ZNF721: variants seen among roughly 807,000 people sequenced by gnomAD.
ZNF721 encodes the protein zinc finger protein 721.
In ZNF721, 2 loss-of-function variants were observed where a neutral mutation model predicts 2.4. The ratio of observed to expected loss-of-function variants is 0.82; its 90% CI spans 0.34 to 2.58. The LOEUF (loss-of-function observed/expected upper bound fraction) is 2.58, where lower values mean the gene tolerates loss of function less well. ZNF721 is among the 30% of genes most tolerant of loss of function. The pLI is 0.11. For missense variants in ZNF721, 1,187 were observed against 1,085.5 expected, an observed-to-expected ratio of 1.09 and a Z score of -1.31; for synonymous variants, 398 against 381.8, an observed-to-expected ratio of 1.04 and a Z score of -0.50.
chr4:448,444 A>C (rs201514588), intron 2 of ZNF721, among the ~76,000 whole-genome samples: 4,158 of 102,086 alleles, frequency 0.041, 65 homozygotes, highest in Middle Eastern at 0.11. Flanking sequence ...TCCCCCCCCA[A>C]AAAAAAAAAA....
At chr4:473,262 T>G (rs1342498797) in intron 1 of ZNF721, among the ~76,000 whole-genome samples, 5 of 152,180 alleles carry the variant, frequency 3.3e-5, no homozygotes, top group Non-Finnish European at 5.9e-5. Flanking sequence ...AGTTAGCGTC[T>G]TTTATCAAGT....
At chr4:484,083 T>C (rs1231946927) in intron 1 of ZNF721, among the ~76,000 whole-genome samples, 3 of 152,234 alleles carry the variant, frequency 2.0e-5, no homozygotes, top group Admixed American at 6.5e-5. Context: ...CAGAAGAACA[T>C]GGATTGTGAA....
At chr4:444,972 TGA>T (rs781876053) in intron 2 of ZNF721, among the ~76,000 whole-genome samples, 78 of 148,014 alleles carry the variant, frequency 5.3e-4, no homozygotes, top group Non-Finnish European at 9.3e-4. Flanking sequence ...CAGCAAGTGA[TGA>T]GAGACTTTTT....
chr4:448,944 T>C (rs1007638958), intron 2 of ZNF721, among the ~76,000 whole-genome samples: 3 of 152,128 alleles, frequency 2.0e-5, no homozygotes, highest in African/African-American at 7.2e-5. Flanking sequence ...ACAGTAAAGA[T>C]AAACCTTGAT....
At chr4:466,178 G>A (rs1715245210) in intron 2 of ZNF721, among the ~76,000 whole-genome samples, 1 of 147,016 alleles carries the variant, frequency 6.8e-6, no homozygotes, top group Non-Finnish European at 1.5e-5. Context: ...AATGATTTCT[G>A]TGAAGTGAGA....
chr4:444,309 C>A lies in ZNF721; in HGVS notation c.158G>T (p.Cys53Phe), dbSNP rs1283390856. Residue 53 changes from cysteine (C) to phenylalanine (F), a missense_variant, in exon 3 of 3, where the codon TGT becomes TTT. Cys to Phe is a radical substitution (Grantham distance 205). Transcript: ENST00000511833. The stretch of plus-strand genomic sequence containing the variant: ...CACTTTACACACGTTCATACTTTTA[C>A]AGCCTTTCCTTAATTGTAAATTATC... ...GHDNLQLRKG[C>F]KSMNVCKVQK... is the part of the protein sequence containing the mutation. 6.2e-7 allele frequency: 1 copy of A among 1,614,000 alleles called. No homozygotes were observed. Among genetic ancestry groups the A allele is most frequent in the Non-Finnish European group, 8.5e-7 (1 of 1,180,000 alleles).
At chr4:485,067 T>G (rs190053793) in intron 1 of ZNF721, among the ~76,000 whole-genome samples, 1 of 152,264 alleles carries the variant, frequency 6.6e-6, no homozygotes, top group Non-Finnish European at 1.5e-5. Context: ...AAAGAACCTA[T>G]GTGAATATCA....
At chr4:462,996 A>G (rs1213008389) in intron 2 of ZNF721, among the ~76,000 whole-genome samples, 1 of 152,160 alleles carries the variant, frequency 6.6e-6, no homozygotes, top group African/African-American at 2.4e-5. Flanking sequence ...ATTTTTTTGC[A>G]ATCTACCCAT....
At chr4:474,431 C>T (rs896735950) in intron 1 of ZNF721, among the ~76,000 whole-genome samples, 1 of 152,112 alleles carries the variant, frequency 6.6e-6, no homozygotes, top group Non-Finnish European at 1.5e-5. Flanking sequence ...ATAAATTGTG[C>T]ACGCGCGCGC....
Position 443,698 on chromosome 4 carries a change from C to A in ZNF721, c.769G>T (p.Val257Phe), listed in dbSNP as rs1298051435. 7.4e-6 allele frequency: 12 copies of A among 1,613,944 alleles called. No individual in the cohort carries two copies. The highest frequency in any genetic ancestry group is 1.0e-5 in the Non-Finnish European group (12 of 1,179,994). Residue 257 changes from valine (V) to phenylalanine (F), a missense_variant, in exon 3 of 3, where the codon GTC becomes TTC. Transcript: ENST00000511833. Reference sequence around the variant, plus strand: ...GCAAAGCTTGAGGATGAGGAAATGACTTTGCCACATTCCTTACATTTGTAG... The same window carrying A: ...GCAAAGCTTGAGGATGAGGAAATGAATTTGCCACATTCCTTACATTTGTAG... ...KPYKCKECGK[V>F]ISSSSSFAKH...
At chr4:465,748 T>A (rs1175875102) in intron 2 of ZNF721, among the ~76,000 whole-genome samples, 1 of 150,970 alleles carries the variant, frequency 6.6e-6, no homozygotes, top group African/African-American at 2.4e-5. Context: ...TACGCTTTTA[T>A]AATTATGAGA....
chr4:494,349 T>A (rs1253879802), intron 1 of ZNF721, among the ~76,000 whole-genome samples: 1 of 96,710 alleles, frequency 1.0e-5, no homozygotes, highest in African/African-American at 2.9e-5. Flanking sequence ...GCCCATCTAA[T>A]TTTTTTTTTT....
intron 1 of ZNF721, among the ~76,000 whole-genome samples, chr4:488,895 A>T (rs1160920464): frequency 6.6e-6 from 1 of 152,130 alleles, no homozygotes; most frequent in Non-Finnish European, 1.5e-5. Flanking sequence ...AGGCAGTCAG[A>T]GGCTGGTTAG....
intron 1 of ZNF721, among the ~76,000 whole-genome samples, chr4:486,864 G>C (rs1422697868): frequency 4.6e-5 from 7 of 152,208 alleles, no homozygotes; most frequent in African/African-American, 1.7e-4. Flanking sequence ...ATTCCCTGGA[G>C]TGAATTATTT....
intron 1 of ZNF721, among the ~76,000 whole-genome samples, chr4:493,810 T>C (rs1357623754): frequency 6.6e-6 from 1 of 152,232 alleles, no homozygotes; most frequent in East Asian, 1.9e-4. Context: ...TCATTCTGTT[T>C]GGGGCTGGGT....
intron 2 of ZNF721, among the ~76,000 whole-genome samples, chr4:445,650 A>G (rs1443111081): frequency 6.6e-6 from 1 of 152,230 alleles, no homozygotes; most frequent in Non-Finnish European, 1.5e-5. Flanking sequence ...AAAAATCAGA[A>G]CATCAATGAA....
intron 1 of ZNF721, among the ~76,000 whole-genome samples, chr4:482,416 C>G (rs1156560730): frequency 2.6e-5 from 4 of 152,166 alleles, no homozygotes; most frequent in Admixed American, 6.5e-5. Context: ...CCGCCCACCT[C>G]GGCCTCCCAA....
At chr4:466,512 G>A (rs1432210633) in intron 2 of ZNF721, among the ~76,000 whole-genome samples, 1 of 152,284 alleles carries the variant, frequency 6.6e-6, no homozygotes, top group African/African-American at 2.4e-5. Flanking sequence ...GTTCATAAAG[G>A]AAAGCTTGTT....
At chr4:490,190 C>G (rs1379473353) in intron 1 of ZNF721, among the ~76,000 whole-genome samples, 4 of 150,776 alleles carry the variant, frequency 2.7e-5, no homozygotes, top group Non-Finnish European at 1.5e-5. Context: ...AAAATTATCA[C>G]AAACAGCCGG....
Sources: gnomAD v4.1 joint callset for allele counts (sites outside exome capture counted in the v4.1 genomes callset) on GRCh38, gnomAD v4.1.1 for gene constraint, MANE v1.5 for transcripts, NCBI Gene and HGNC (gene_info 2026-07-23, HGNC 2026-07-21) for gene names.